Variants in GALNT12 observed in about 807,000 individuals in gnomAD.
GALNT12 encodes UDP-GalNAc:polypeptide N-acetylgalactosaminyltransferase 12.
GALNT12 carries 45 observed loss-of-function variants against 55.5 expected under a neutral mutation model. The observed-to-expected ratio is 0.81, with a 90% CI of 0.64 to 1.04. The LOEUF (loss-of-function observed/expected upper bound fraction) is 1.04. Among genes scored for constraint, GALNT12 ranks in the 50% least tolerant of loss-of-function variants. GALNT12 has a pLI of 0.00. For missense variants in GALNT12, 709 were observed against 754.8 expected (o/e 0.94, Z 0.71); for synonymous variants, 304 against 312.2 (o/e 0.97, Z 0.28).
At position 98,827,916 on chromosome 9, in the gene GALNT12, C is replaced by T. The variant is rs377728695; in HGVS notation, c.731+975C>T. ...CTCACTCTCACCCTCCTACCTTCCC[C>T]CCTCAAGAAGCCACCATCTACTGGG... is the stretch of plus-strand genomic sequence containing the variant. On this transcript the variant is annotated intron_variant, in intron 3 of 9. Transcript: ENST00000375011. 6.6e-4 allele frequency among the ~76,000 whole-genome samples: 100 copies of T among 152,282 alleles called. 3 individuals are homozygous for T. The South Asian group carries it at 0.021, about 32-fold the overall frequency.
At chr9:98,831,687 CAAG>C in intron 3 of GALNT12, 82 bp from the exon 4 acceptor site, 2 of 1,455,928 alleles carry the variant, frequency 1.4e-6, no homozygotes, top group Non-Finnish European at 1.9e-6. Flanking sequence ...GGAAGGAAGA[CAAG>C]AATTCACCCT....
At chr9:98,823,117 C>A in intron 1 of GALNT12, 139 bp from the exon 2 acceptor site, 1 of 800,568 alleles carries the variant, frequency 1.2e-6, no homozygotes, top group South Asian at 1.4e-5. Context: ...CCTAGTGCCA[C>A]AAGGGGAGCT....
At chr9:98,834,355 A>G (rs564601894) in intron 4 of GALNT12, among the ~76,000 whole-genome samples, 8 of 152,280 alleles carry the variant, frequency 5.3e-5, no homozygotes, top group African/African-American at 1.9e-4. Context: ...TCCTGACCTC[A>G]GGAGATCTGC....
intron 1 of GALNT12, among the ~76,000 whole-genome samples, chr9:98,815,916 G>A (rs573313442): frequency 6.6e-6 from 1 of 152,164 alleles, no homozygotes; most frequent in South Asian, 2.1e-4. Context: ...ATTATAGTGT[G>A]ACCATTCTCC....
chr9:98,845,829 G>C, intron 8 of GALNT12, 148 bp from the exon 9 acceptor site: 1 of 799,824 alleles, frequency 1.3e-6, no homozygotes, highest in South Asian at 1.5e-5. Context: ...GGGATGCGGA[G>C]GAACCCATCA....
chr9:98,849,099 G>A lies in GALNT12; in HGVS notation c.*7G>A, dbSNP rs760788910. On this transcript the variant is annotated 3_prime_UTR_variant, in exon 10 of 10. Transcript: ENST00000375011. ...CAAAGAGCGCATGTTATGAAGCCTC[G>A]TGTATCAAGGAGCCCATCGAAGGAG... is the stretch of plus-strand genomic sequence containing the variant. 23 of 1,613,986 alleles carry A rather than the reference G, an allele frequency of 1.4e-5. No individual in the cohort carries two copies. Among genetic ancestry groups the A allele is most frequent in the African/African-American group, 6.7e-5 (5 of 74,924 alleles).
rs762123272 is a variant in GALNT12, at chr9:98,840,004, A to G, written c.1215A>G (p.Glu405=). ...TCACTGTTTTGTTGTTTTCTCAGGA[A>G]CCTTTTGGGGATGTGACAGAGAGGA... The part of the protein sequence containing the change: ...YYHRNPRARL[E]PFGDVTERKQ... The change falls in exon 7 of 10, where the codon GAA becomes GAG. Residue 405 remains glutamate, a splice_region_variant and synonymous_variant. Coordinates refer to ENST00000375011, the MANE Select transcript of GALNT12 (RefSeq NM_024642.5). 4 of 1,614,004 alleles carry G rather than the reference A, an allele frequency of 2.5e-6. No individual in the cohort carries two copies. The highest frequency in any genetic ancestry group is 3.4e-6 in the Non-Finnish European group (4 of 1,179,952).
At chr9:98,825,888 T>C (rs1357252709) in intron 2 of GALNT12, among the ~76,000 whole-genome samples, 1 of 151,974 alleles carries the variant, frequency 6.6e-6, no homozygotes, top group Non-Finnish European at 1.5e-5. Context: ...GGTGGGAAGA[T>C]TGCTTGAGCC....
At position 98,840,066 on chromosome 9, in the gene GALNT12, AGTGGTTCTTGGAGACT is replaced by A. The variant is rs1472145598; in HGVS notation, c.1281_1296del (p.Trp427CysfsTer23). 6.2e-7 allele frequency: 1 copy of A among 1,614,100 alleles called. No individual in the cohort carries two copies. The highest frequency in any genetic ancestry group is 2.2e-5 in the East Asian group (1 of 44,898). ...GACAAGCTCCAGTGTAAAGACTTCA[AGTGGTTCTTGGAGACT>A]GTGTATCCAGAACTGCATGTGCCTG... is the stretch of plus-strand genomic sequence containing the variant. On this transcript the variant is annotated frameshift_variant, in exon 7 of 10. Coordinates refer to ENST00000375011, the MANE Select transcript of GALNT12 (RefSeq NM_024642.5). LOFTEE classifies it high-confidence loss of function.
chr9:98,815,580 A>G (rs1350511786), intron 1 of GALNT12, among the ~76,000 whole-genome samples: 2 of 152,250 alleles, frequency 1.3e-5, no homozygotes, highest in Admixed American at 6.5e-5. Flanking sequence ...CCAGGACAAG[A>G]AAAAGAGAAA....
intron 3 of GALNT12, among the ~76,000 whole-genome samples, chr9:98,830,495 A>G (rs1410736114): frequency 6.6e-6 from 1 of 152,194 alleles, no homozygotes; most frequent in East Asian, 1.9e-4. Flanking sequence ...CTATACTCCA[A>G]TGCTGGTACA....
chr9:98,824,506 G>A (rs1301750725), intron 2 of GALNT12, among the ~76,000 whole-genome samples: 1 of 152,216 alleles, frequency 6.6e-6, no homozygotes, highest in Non-Finnish European at 1.5e-5. Context: ...GGGAGGCTGG[G>A]AGCTGTGGCC....
intron 3 of GALNT12, among the ~76,000 whole-genome samples, 184 bp from the exon 4 acceptor site, chr9:98,831,588 C>A (rs112823777): frequency 1.3e-5 from 2 of 152,174 alleles, no homozygotes; most frequent in Admixed American, 6.5e-5. Flanking sequence ...AGATCTCCCC[C>A]ATGGTGGTCA....
intron 4 of GALNT12, among the ~76,000 whole-genome samples, chr9:98,834,999 AC>A (rs1836102128): frequency 1.3e-5 from 2 of 151,992 alleles, no homozygotes; most frequent in Non-Finnish European, 2.9e-5. Flanking sequence ...GCCCTGGCTG[AC>A]CTTAGTTAAC....
Position 98,849,014 on chromosome 9 carries a change from T to C in GALNT12, c.1668T>C (p.Ser556=), listed in dbSNP as rs1460230295. 1 of 1,614,084 alleles carries C rather than the reference T, an allele frequency of 6.2e-7. No homozygotes were observed. The highest frequency in any genetic ancestry group is 1.1e-5 in the South Asian group (1 of 91,082). ...TCCAGGCTGCGAGGAAGGAGTCGAG[T>C]GACAGTTTCGTTCCACTCTTACGAG... ...KCVQAARKES[S]DSFVPLLRDC... Residue 556 remains serine, a synonymous_variant, in exon 10 of 10, where the codon AGT becomes AGC. Coordinates refer to ENST00000375011, the MANE Select transcript of GALNT12 (RefSeq NM_024642.5).
rs1215059332 is a variant in GALNT12 at position 98,849,592 on chromosome 9, G to A, written c.*500G>A. The A allele has an allele frequency of 9.3e-6, 4 of 428,102 alleles. No individual in the cohort carries two copies. In the Admixed American group the frequency reaches 1.5e-4, roughly 16 times the overall value. 26.5% of individuals were successfully genotyped at this position (428,102 alleles called of 1,614,324 possible). On this transcript the variant is annotated 3_prime_UTR_variant, in exon 10 of 10. Coordinates refer to ENST00000375011, the MANE Select transcript of GALNT12 (RefSeq NM_024642.5). ...TAGAGAGACTGTCACTAGGAACATT[G>A]TATTGATTTATTCAGGTCATTGAGA...
At chr9:98,839,186 C>T (rs7019969) in intron 6 of GALNT12, among the ~76,000 whole-genome samples, 3,248 of 152,314 alleles carry the variant, frequency 0.021, 126 homozygotes, top group African/African-American at 0.074. Context: ...ATGTCCAAGG[C>T]CAAGTGCTAA....
chr9:98,831,011 T>G (rs935124431), intron 3 of GALNT12, among the ~76,000 whole-genome samples: 3 of 152,166 alleles, frequency 2.0e-5, no homozygotes, highest in Non-Finnish European at 4.4e-5. Flanking sequence ...AGTCCATCTT[T>G]CCTGGTGTAG....
Position 98,840,151 on chromosome 9 carries a change from G to T in GALNT12, c.1344+18G>T, listed in dbSNP as rs756920896. ...TCGGGATGGTGAGTGAGGGTGGTGG[G>T]CCCACGGCAGGCAGGGACTTCCCTG... is the stretch of plus-strand genomic sequence containing the variant. On this transcript the variant is annotated intron_variant, in intron 7 of 9. Transcript: ENST00000375011. 2.9e-5 allele frequency: 46 copies of T among 1,612,232 alleles called. No homozygotes were observed.
Sources: allele counts gnomAD v4.1 joint callset (sites outside exome capture counted in the v4.1 genomes callset), GRCh38; gene constraint gnomAD v4.1.1; transcripts MANE v1.5; gene names NCBI Gene and HGNC (gene_info 2026-07-23, HGNC 2026-07-21).